SMG6: variants seen among roughly 807,000 people sequenced by gnomAD.
SMG6 encodes telomerase-binding protein EST1A.
A neutral mutation model predicts 142.2 loss-of-function variants in SMG6; 66 were observed. That is an observed-to-expected ratio of 0.46 (90% CI 0.38 to 0.57). SMG6 has a LOEUF of 0.57. Ranked by LOEUF, SMG6 falls within the 20% of genes least tolerant of loss-of-function variation. The pLI is 0.00. For synonymous variants in SMG6, 779 were observed against 702.4 expected (o/e 1.11, Z -1.72); for missense variants, 1,793 against 1,832.0 (o/e 0.98, Z 0.39).
chr17:2,262,346 C>T (rs2074334926), intron 8 of SMG6, among the ~76,000 whole-genome samples: 1 of 152,218 alleles, frequency 6.6e-6, no homozygotes, highest in Admixed American at 6.5e-5. Flanking sequence ...GAAGGATTCA[C>T]TTCTAAGCTT....
intron 13 of SMG6, among the ~76,000 whole-genome samples, chr17:2,099,825 C>A (rs1567597409): frequency 1.3e-5 from 2 of 152,176 alleles, no homozygotes; most frequent in African/African-American, 4.8e-5. Flanking sequence ...AACTGTATCA[C>A]AATCACACGC....
intron 8 of SMG6, among the ~76,000 whole-genome samples, chr17:2,259,594 G>A (rs1323939062): frequency 6.7e-6 from 1 of 148,986 alleles, no homozygotes; most frequent in East Asian, 2.0e-4. Context: ...GATCACCTGA[G>A]CCCAGGAGGT....
chr17:2,203,047 A>G (rs2072579807), intron 10 of SMG6, among the ~76,000 whole-genome samples: 1 of 152,182 alleles, frequency 6.6e-6, no homozygotes, highest in Non-Finnish European at 1.5e-5. Context: ...CTTGGCAAGA[A>G]AGACAGCAAA....
intron 8 of SMG6, among the ~76,000 whole-genome samples, chr17:2,252,253 T>C (rs2074063401): frequency 6.6e-6 from 1 of 151,618 alleles, no homozygotes; most frequent in Admixed American, 6.6e-5. Flanking sequence ...CTACTAAAAA[T>C]ACAAAAATTA....
Position 2,282,706 on chromosome 17 carries a change from T to C in SMG6, c.2602A>G (p.Thr868Ala). ...HPSHPRSSQG[T>A]ESGKDSEQEN... ...TGCTCAGAATCCTTCCCAGACTCAG[T>C]GCCCTGGGAAGACCGTGGATGGGAT... Residue 868 changes from threonine (T) to alanine (A), a missense_variant, in exon 8 of 19, where the codon ACT becomes GCT. Thr to Ala is a moderately conservative substitution (Grantham distance 58). Coordinates refer to ENST00000263073, the MANE Select transcript of SMG6 (RefSeq NM_017575.5). The C allele has an allele frequency of 6.2e-7, 1 of 1,614,146 alleles. No individual in the cohort carries two copies. The highest frequency in any genetic ancestry group is 8.5e-7 in the Non-Finnish European group (1 of 1,180,004).
chr17:2,295,169 G>A (rs1362677950), intron 4 of SMG6, among the ~76,000 whole-genome samples: 1 of 152,038 alleles, frequency 6.6e-6, no homozygotes, highest in Non-Finnish European at 1.5e-5. Flanking sequence ...GAGCCACTGC[G>A]CCCAGCCAAA....
chr17:2,235,073 C>G lies in SMG6; in HGVS notation c.2869+1419G>C, dbSNP rs556176854. Among the ~76,000 whole-genome samples, 4 of 152,280 alleles carry G rather than the reference C, an allele frequency of 2.6e-5. No individual in the cohort carries two copies. In the East Asian group the frequency reaches 7.7e-4, roughly 29 times the overall value. On this transcript the variant is annotated intron_variant, in intron 10 of 18. Transcript: ENST00000263073. The stretch of plus-strand genomic sequence containing the variant: ...CCATTTCCAGAGTCAGGTGGGCTTC[C>G]TACTTGGTAGCAGACTGTCCCTCCC...
At chr17:2,249,121 C>T (rs1483756512) in intron 8 of SMG6, among the ~76,000 whole-genome samples, 1 of 151,882 alleles carries the variant, frequency 6.6e-6, no homozygotes, top group Non-Finnish European at 1.5e-5. Context: ...TCTCAATCTC[C>T]TGACCTTGTG....
At chr17:2,201,232 G>C (rs1200519455) in intron 10 of SMG6, among the ~76,000 whole-genome samples, 1 of 152,124 alleles carries the variant, frequency 6.6e-6, no homozygotes, top group African/African-American at 2.4e-5. Context: ...ATGGCAAGTA[G>C]GTACATGAAA....
intron 10 of SMG6, among the ~76,000 whole-genome samples, chr17:2,224,123 G>A (rs986793320): frequency 5.3e-5 from 8 of 152,302 alleles, no homozygotes; most frequent in Middle Eastern, 3.4e-3. Flanking sequence ...AAATCCTTTG[G>A]TCAGAGATTG....
chr17:2,172,847 A>C lies in SMG6; in HGVS notation c.3168T>G (p.Asp1056Glu), dbSNP rs1304864182. 15 of 1,614,048 alleles carry C rather than the reference A, an allele frequency of 9.3e-6. No individual in the cohort carries two copies. Among genetic ancestry groups the C allele is most frequent in the Non-Finnish European group, 1.1e-5 (13 of 1,180,002 alleles). Residue 1056 changes from aspartate to glutamate, a missense_variant, in exon 13 of 19, where the codon GAT becomes GAG. Around this residue, in one of 3 missense-constraint regions of SMG6, gnomAD observed 1,597 missense variants for 1,584.6 expected, o/e 1.01. Coordinates refer to ENST00000263073, the MANE Select transcript of SMG6 (RefSeq NM_017575.5). ...SLDLPSHVAV[D>E]VWSTLADFCN... ...AGAAATCAGCCAGCGTCGACCATAC[A>C]TCCACAGCAACACTGTGAGAAATAA...
chr17:2,214,841 T>A (rs989805864), intron 10 of SMG6, among the ~76,000 whole-genome samples: 3 of 152,028 alleles, frequency 2.0e-5, no homozygotes, highest in African/African-American at 7.3e-5. Flanking sequence ...GGCAGGTGAG[T>A]GAAACCTGTG....
chr17:2,087,140 T>C lies in SMG6; in HGVS notation c.3358-1239A>G, dbSNP rs1207769892. The C allele has an allele frequency of 3.9e-6, 5 of 1,290,360 alleles. No homozygotes were observed. In the East Asian group the frequency reaches 2.8e-4, roughly 72 times the overall value. The allele number at this position is 1,290,360 out of a possible 1,614,324, so 79.9% of individuals were successfully genotyped here. A position where few individuals can be genotyped will look rare whatever the true frequency, so the allele number is the denominator to read the frequency against. On this transcript the variant is annotated intron_variant, in intron 13 of 18. Transcript: ENST00000263073. ...TCTCTCTCATGTGGACAGCAACCCCTCTGGTGGCAAAGCCTAAATCTCATC... is the reference window on the plus strand; with the variant it reads ...TCTCTCTCATGTGGACAGCAACCCCCCTGGTGGCAAAGCCTAAATCTCATC...
At chr17:2,285,084 A>G (rs1321280015) in intron 6 of SMG6, among the ~76,000 whole-genome samples, 1 of 152,224 alleles carries the variant, frequency 6.6e-6, no homozygotes, top group Non-Finnish European at 1.5e-5. Flanking sequence ...TGCATCTAAC[A>G]ATCAATTACA....
At position 2,293,085 on chromosome 17, in the gene SMG6, C is replaced by T. The variant is rs925314166; in HGVS notation, c.2152-108G>A. 5.3e-6 allele frequency: 4 copies of T among 758,134 alleles called. No homozygotes were observed. The Admixed American group carries it at 6.3e-5, about 12-fold the overall frequency. 47.0% of individuals were successfully genotyped at this position (758,134 alleles called of 1,614,324 possible). Reference sequence around the variant, plus strand: ...CAATGTAGCACTCGTAAGGCACTAGCGGTCCTCAACAAAGTATAAAGTTTT... The same window carrying T: ...CAATGTAGCACTCGTAAGGCACTAGTGGTCCTCAACAAAGTATAAAGTTTT... On this transcript the variant is annotated intron_variant, in intron 4 of 18. Transcript: ENST00000263073.
intron 10 of SMG6, among the ~76,000 whole-genome samples, chr17:2,197,971 A>C (rs1317989396): frequency 6.6e-6 from 1 of 152,162 alleles, no homozygotes; most frequent in Non-Finnish European, 1.5e-5. Context: ...CAGCAATTGA[A>C]CTCTGGGGCT....
At position 2,299,886 on chromosome 17, in the gene SMG6, C is replaced by A; in HGVS notation, c.867G>T (p.Arg289Ser). 4.3e-6 allele frequency: 7 copies of A among 1,614,136 alleles called. No individual in the cohort carries two copies. Among genetic ancestry groups the A allele is most frequent in the Non-Finnish European group, 5.9e-6 (7 of 1,179,984 alleles). Reference protein sequence around the residue: ...RRRRQDRTKERPRLKKQVSVS... With the variant: ...RRRRQDRTKESPRLKKQVSVS... ...CAGACACTTGCTTCTTCAGTCGTGG[C>A]CTCTCCTTGGTCCTATCCTGTCGGC... The change falls in exon 2 of 19, where the codon AGG becomes AGT. Residue 289 changes from arginine to serine, a missense_variant. By Grantham distance (110) the Arg-to-Ser change is moderately radical. Coordinates refer to ENST00000263073, the MANE Select transcript of SMG6 (RefSeq NM_017575.5). The surrounding 1 kb of genome is among the most constrained non-coding windows in gnomAD (Gnocchi z 4.3).
At chr17:2,138,380 G>C (rs879799392) in intron 13 of SMG6, among the ~76,000 whole-genome samples, 1 of 152,152 alleles carries the variant, frequency 6.6e-6, no homozygotes, top group Non-Finnish European at 1.5e-5. Context: ...AAATCAACAA[G>C]TTTGCTGGTT....
chr17:2,213,134 A>C (rs2072913803), intron 10 of SMG6, among the ~76,000 whole-genome samples: 1 of 152,190 alleles, frequency 6.6e-6, no homozygotes, highest in African/African-American at 2.4e-5. Flanking sequence ...CCTGGCCTAA[A>C]CCATAGGATC....
Sources: allele counts gnomAD v4.1 joint callset (sites outside exome capture counted in the v4.1 genomes callset), GRCh38; gene constraint gnomAD v4.1.1; regional missense constraint gnomAD v4.1.1; non-coding constraint Gnocchi (gnomAD v3.1); transcripts MANE v1.5; gene names NCBI Gene and HGNC (gene_info 2026-07-23, HGNC 2026-07-21).